Variants in CNTN4 observed in about 807,000 individuals in gnomAD.
CNTN4 encodes the protein contactin 4.
Under a neutral mutation model 122.5 loss-of-function variants are expected in CNTN4, and 77 were observed. That is an observed-to-expected ratio of 0.63 (90% confidence interval 0.52 to 0.76). The LOEUF (loss-of-function observed/expected upper bound fraction) is 0.76, where lower values mean the gene tolerates loss of function less well. CNTN4 is among the 30% of genes least tolerant of loss of function. The pLI is 0.00. For synonymous variants in CNTN4, 512 were observed against 447.0 expected (o/e 1.15, Z -1.83); for missense variants, 1,256 against 1,259.1 (o/e 1.00, Z 0.04).
At chr3:2,569,998 C>A (rs2079348861) in intron 3 of CNTN4, among the ~76,000 whole-genome samples, 1 of 151,906 alleles carries the variant, frequency 6.6e-6, no homozygotes, top group Non-Finnish European at 1.5e-5. Flanking sequence ...CACCTTGTGT[C>A]TGGCAAGCAG....
chr3:2,617,454 A>C (rs1231033865), intron 4 of CNTN4, among the ~76,000 whole-genome samples: 9 of 116,550 alleles, frequency 7.7e-5, no homozygotes, highest in Admixed American at 3.6e-4. Flanking sequence ...AGAGTCTTGC[A>C]CTGTTGCCCA....
At chr3:2,203,297 A>G (rs1244237957) in intron 2 of CNTN4, among the ~76,000 whole-genome samples, 1 of 152,142 alleles carries the variant, frequency 6.6e-6, no homozygotes, top group Non-Finnish European at 1.5e-5. Flanking sequence ...GTGAATCACT[A>G]CCTACCATTT....
In CNTN4 at chr3:2,467,924, G is replaced by T. The variant is rs185910063; in HGVS notation, c.-88-103492G>T. Among the ~76,000 whole-genome samples, 197 of 152,166 alleles carry T rather than the reference G, an allele frequency of 1.3e-3. 1 individual carries two copies. Among genetic ancestry groups the T allele is most frequent in the African/African-American group, 4.5e-3 (188 of 41,528 alleles). On this transcript the variant is annotated intron_variant, in intron 3 of 24. Coordinates refer to ENST00000418658, the MANE Select transcript of CNTN4 (RefSeq NM_175607.3). ...TTTTCAAAAGAGTTTGATGAAGTGGGTATCTTTATCTATATTTTATAGCCG... is the reference window on the plus strand; with the variant it reads ...TTTTCAAAAGAGTTTGATGAAGTGGTTATCTTTATCTATATTTTATAGCCG...
intron 2 of CNTN4, among the ~76,000 whole-genome samples, chr3:2,261,058 G>C (rs2149748968): frequency 6.6e-6 from 1 of 152,172 alleles, no homozygotes; most frequent in East Asian, 1.9e-4. Context: ...ATGAAATACT[G>C]TGTAGCATAT....
chr3:2,429,152 G>T (rs952664178), intron 3 of CNTN4, among the ~76,000 whole-genome samples: 1 of 152,170 alleles, frequency 6.6e-6, no homozygotes, highest in African/African-American at 2.4e-5. Flanking sequence ...AAGGCAAAGA[G>T]GCCCTCTGAT....
In CNTN4 at chr3:2,791,036, A is replaced by C. The variant is rs142307828; in HGVS notation, c.359-28450A>C. Among the ~76,000 whole-genome samples, 1,232 of 152,192 alleles carry C rather than the reference A, an allele frequency of 8.1e-3. 16 individuals carry two copies. Among genetic ancestry groups the C allele is most frequent in the African/African-American group, 0.028 (1,143 of 41,504 alleles). ...TTACAGTGTCTTAAACCTACTATACACTGAAGGATGAAGACAACAAAGGCA... is the reference window on the plus strand; with the variant it reads ...TTACAGTGTCTTAAACCTACTATACCCTGAAGGATGAAGACAACAAAGGCA... On this transcript the variant is annotated intron_variant, in intron 6 of 24. Coordinates refer to ENST00000418658, the MANE Select transcript of CNTN4 (RefSeq NM_175607.3).
intron 13 of CNTN4, among the ~76,000 whole-genome samples, chr3:2,954,374 C>T (rs527832025): frequency 3.9e-5 from 6 of 152,320 alleles, no homozygotes; most frequent in South Asian, 4.1e-4. Flanking sequence ...CAGTTACTAC[C>T]GATGGACAGT....
chr3:2,675,369 C>G (rs1401461221), intron 4 of CNTN4, among the ~76,000 whole-genome samples: 1 of 152,152 alleles, frequency 6.6e-6, no homozygotes, highest in Non-Finnish European at 1.5e-5. Flanking sequence ...ACATGCCTGA[C>G]TCTGTCTCAC....
intron 4 of CNTN4, among the ~76,000 whole-genome samples, chr3:2,721,671 T>G (rs2087864221): frequency 6.6e-6 from 1 of 151,998 alleles, no homozygotes; most frequent in African/African-American, 2.4e-5. Flanking sequence ...CTCTGTCAGT[T>G]ACTGCTGTTT....
chr3:2,466,129 C>G (rs1033713015), intron 3 of CNTN4, among the ~76,000 whole-genome samples: 1 of 152,152 alleles, frequency 6.6e-6, no homozygotes, highest in African/African-American at 2.4e-5. Context: ...AATCTCGCTG[C>G]AATAATTACT....
chr3:2,155,764 G>C (rs1056080439), intron 2 of CNTN4, among the ~76,000 whole-genome samples: 1 of 152,086 alleles, frequency 6.6e-6, no homozygotes, highest in Non-Finnish European at 1.5e-5. Context: ...GCTAGCTCTT[G>C]TCTGCACCAG....
chr3:2,645,985 C>A (rs2083100042), intron 4 of CNTN4, among the ~76,000 whole-genome samples: 1 of 152,144 alleles, frequency 6.6e-6, no homozygotes, highest in Non-Finnish European at 1.5e-5. Flanking sequence ...AATATATATA[C>A]TGTAGACAAA....
chr3:2,633,898 C>T (rs191772905), intron 4 of CNTN4, among the ~76,000 whole-genome samples: 1 of 152,270 alleles, frequency 6.6e-6, no homozygotes, highest in East Asian at 1.9e-4. Flanking sequence ...AGTGGAAACA[C>T]GCATTTTCTA....
intron 14 of CNTN4, among the ~76,000 whole-genome samples, chr3:3,002,284 G>A (rs1696128335): frequency 6.6e-6 from 1 of 152,116 alleles, no homozygotes; most frequent in Non-Finnish European, 1.5e-5. Context: ...GAAATCAGTA[G>A]GTGCACCAGT....
rs368961020 is a variant in CNTN4 at position 3,055,496 on chromosome 3, C to A, written c.2981-624C>A. Among the ~76,000 whole-genome samples, 46 of 152,118 alleles carry A rather than the reference C, an allele frequency of 3.0e-4. 2 individuals carry two copies. The South Asian group carries it at 8.7e-3, about 29-fold the overall frequency. On this transcript the variant is annotated intron_variant, in intron 24 of 24. Transcript: ENST00000418658. ...AAGAGACCTTACAAGATTGAAGAACCCCCGAATGACAGTTGATAGCTTCTT... is the reference window on the plus strand; with the variant it reads ...AAGAGACCTTACAAGATTGAAGAACACCCGAATGACAGTTGATAGCTTCTT...
intron 2 of CNTN4, among the ~76,000 whole-genome samples, chr3:2,308,914 C>G (rs1453493374): frequency 6.6e-6 from 1 of 151,976 alleles, no homozygotes; most frequent in Non-Finnish European, 1.5e-5. Context: ...GTTTTCAATG[C>G]ACTTAAGAAG....
At chr3:2,863,320 A>G (rs565988835) in intron 7 of CNTN4, among the ~76,000 whole-genome samples, 1 of 152,176 alleles carries the variant, frequency 6.6e-6, no homozygotes, top group African/African-American at 2.4e-5. Context: ...ACCAGCCAAG[A>G]CTTTTCTGCT....
intron 2 of CNTN4, among the ~76,000 whole-genome samples, chr3:2,108,060 A>G (rs897153976): frequency 2.6e-5 from 4 of 151,684 alleles, no homozygotes; most frequent in African/African-American, 7.3e-5. Flanking sequence ...CTCCTGGATG[A>G]TGCTTTCTTT....
At chr3:2,651,169 G>A (rs1298675643) in intron 4 of CNTN4, among the ~76,000 whole-genome samples, 1 of 152,074 alleles carries the variant, frequency 6.6e-6, no homozygotes, top group African/African-American at 2.4e-5. Context: ...TTCAAGAGTG[G>A]CCATTGCAGT....
Sources: gnomAD v4.1 joint callset for allele counts (sites outside exome capture counted in the v4.1 genomes callset) on GRCh38, gnomAD v4.1.1 for gene constraint, MANE v1.5 for transcripts, NCBI Gene and HGNC (gene_info 2026-07-23, HGNC 2026-07-21) for gene names.